Variants in MYO16 observed in about 807,000 individuals in gnomAD.
MYO16 encodes the protein unconventional myosin-XVI.
A neutral mutation model predicts 205.3 loss-of-function variants in MYO16; 94 were observed. The ratio of observed to expected loss-of-function variants is 0.46; its 90% CI spans 0.39 to 0.54. The LOEUF is 0.54. Among genes scored for constraint, MYO16 ranks in the 20% least tolerant of loss-of-function variants. The probability of loss-of-function intolerance (pLI) is 0.00; values close to 1 mark genes in which losing one functional copy is unlikely to be tolerated. For missense variants in MYO16, 2,315 were observed against 2,387.5 expected, an observed-to-expected ratio of 0.97 and a Z score of 0.63; for synonymous variants, 988 against 954.0, an observed-to-expected ratio of 1.04 and a Z score of -0.66.
chr13:108,579,372 C>T, the MYO16 span, among the ~76,000 whole-genome samples: 3 of 151,866 alleles, frequency 2.0e-5, no homozygotes, highest in South Asian at 2.1e-4. Context: ...AAGAGAAATC[C>T]GTTTGAATGC....
intron 27 of MYO16, among the ~76,000 whole-genome samples, chr13:109,058,638 C>T (rs1283379495): frequency 4.6e-5 from 7 of 152,064 alleles, no homozygotes; most frequent in African/African-American, 1.7e-4. Flanking sequence ...AATCTTTTTG[C>T]TGGTGGAGGA....
At chr13:108,931,302 G>T (rs1282260353) in intron 16 of MYO16, among the ~76,000 whole-genome samples, 1 of 152,124 alleles carries the variant, frequency 6.6e-6, no homozygotes, top group African/African-American at 2.4e-5. Context: ...GAAGCCTTCT[G>T]CCCTCCAATA....
chr13:108,744,943 A>AAAAAAAAAAACCAAAG (rs1885013997), intron 4 of MYO16, among the ~76,000 whole-genome samples: 1 of 152,224 alleles, frequency 6.6e-6, no homozygotes, highest in Non-Finnish European at 1.5e-5. Context: ...TTTGGTAAAA[A>AAAAAAAAAAACCAAAG]TGCTTACTTA....
chr13:109,090,403 G>A (rs75061962), intron 27 of MYO16, among the ~76,000 whole-genome samples: 20,059 of 152,262 alleles, frequency 0.13, 1,494 homozygotes, highest in Middle Eastern at 0.18. Context: ...GAAGACTGGT[G>A]AGCTCTATGG....
At chr13:108,615,923 T>C (rs1465165501) in intron 1 of MYO16, among the ~76,000 whole-genome samples, 4 of 152,208 alleles carry the variant, frequency 2.6e-5, no homozygotes, top group Admixed American at 1.3e-4. Flanking sequence ...TTCTGTATTG[T>C]GAATTTTCTT....
intron 27 of MYO16, among the ~76,000 whole-genome samples, chr13:109,095,408 G>A (rs773703719): frequency 1.3e-5 from 2 of 152,144 alleles, no homozygotes; most frequent in Non-Finnish European, 2.9e-5. Context: ...ACGTGTTTTA[G>A]CTCAGGAATG....
At chr13:108,828,399 C>T (rs1354680217) in intron 9 of MYO16, among the ~76,000 whole-genome samples, 6 of 152,176 alleles carry the variant, frequency 3.9e-5, no homozygotes, top group Non-Finnish European at 7.3e-5. Context: ...CTGCCATTTA[C>T]TGGCTCTATG....
At chr13:109,112,329 G>C (rs1049133070) in intron 28 of MYO16, among the ~76,000 whole-genome samples, 1 of 152,152 alleles carries the variant, frequency 6.6e-6, no homozygotes, top group African/African-American at 2.4e-5. Flanking sequence ...CTAGATTTTA[G>C]TCGGTAATAA....
At chr13:108,813,141 A>G (rs1887346483) in intron 7 of MYO16, among the ~76,000 whole-genome samples, 1 of 152,200 alleles carries the variant, frequency 6.6e-6, no homozygotes, top group South Asian at 2.1e-4. Flanking sequence ...GTTTCAGAAA[A>G]GAAATACAAG....
At chr13:108,898,351 AGTGTGTGTGTGTGTGTGTGT>A (rs3042037) in intron 15 of MYO16, among the ~76,000 whole-genome samples, 1 of 144,992 alleles carries the variant, frequency 6.9e-6, no homozygotes, top group Non-Finnish European at 1.5e-5. Context: ...AGGGTGTGTG[AGTGTGTGTGTGTGTGTGTGT>A]GTGTGTGTGT....
chr13:108,844,544 T>C (rs1327684179), intron 10 of MYO16, 51 bp downstream of exon 10: 3 of 1,499,068 alleles, frequency 2.0e-6, no homozygotes, highest in Non-Finnish European at 2.7e-6. Context: ...TATCAAGTAA[T>C]GTATTATAAA....
intron 6 of MYO16, among the ~76,000 whole-genome samples, chr13:108,802,003 C>T (rs956876849): frequency 3.3e-5 from 5 of 152,026 alleles, no homozygotes; most frequent in Admixed American, 6.5e-5. Context: ...TTATGGGGTA[C>T]AGTGTGAATT....
chr13:108,648,467 T>C (rs563902815), intron 1 of MYO16, among the ~76,000 whole-genome samples: 59 of 152,284 alleles, frequency 3.9e-4, no homozygotes, highest in African/African-American at 1.4e-3. Context: ...TTATGAAGAA[T>C]TGACTGACTG....
chr13:108,978,065 T>C (rs937253230), intron 20 of MYO16, among the ~76,000 whole-genome samples: 1 of 152,062 alleles, frequency 6.6e-6, no homozygotes, highest in South Asian at 2.1e-4. Context: ...ATGAATCTTT[T>C]TTTTGTGTGG....
At chr13:109,065,644 T>A (rs1594515161) in intron 27 of MYO16, 1 of 440,010 alleles carries the variant, frequency 2.3e-6, no homozygotes, top group East Asian at 5.9e-5. Context: ...TGTATGCTTG[T>A]GGAATTCTCA....
At chr13:109,187,983 T>C (rs1354936333) in intron 34 of MYO16, among the ~76,000 whole-genome samples, 1 of 152,222 alleles carries the variant, frequency 6.6e-6, no homozygotes, top group Non-Finnish European at 1.5e-5. Flanking sequence ...TGTCCACACC[T>C]TTCGGTTTCA....
chr13:108,965,193 C>A (rs538176203), intron 20 of MYO16, among the ~76,000 whole-genome samples: 29 of 151,998 alleles, frequency 1.9e-4, no homozygotes, highest in Middle Eastern at 3.2e-3. Context: ...CTTTTGTGCA[C>A]CAATAAATCT....
At chr13:108,727,697 A>G in intron 4 of MYO16, 114 bp downstream of exon 4, 1 of 1,148,882 alleles carries the variant, frequency 8.7e-7, no homozygotes, top group Non-Finnish European at 1.2e-6. Flanking sequence ...AAATCTGCAT[A>G]TGTTATCATG....
intron 20 of MYO16, among the ~76,000 whole-genome samples, chr13:108,986,618 G>A (rs1432049295): frequency 1.1e-4 from 8 of 72,666 alleles, no homozygotes; most frequent in Admixed American, 2.1e-4. Flanking sequence ...GCGAAACTCC[G>A]TCTCAAAAAA....
Sources: allele counts gnomAD v4.1 joint callset (sites outside exome capture counted in the v4.1 genomes callset), GRCh38; gene constraint gnomAD v4.1.1; transcripts MANE v1.5; gene names NCBI Gene and HGNC (gene_info 2026-07-23, HGNC 2026-07-21).